SCUBE1: variants seen among roughly 807,000 people sequenced by gnomAD.
SCUBE1 encodes signal peptide, CUB and EGF-like domain-containing protein 1.
A neutral mutation model predicts 124.4 loss-of-function variants in SCUBE1; 59 were observed. The ratio of observed to expected loss-of-function variants is 0.47; its 90% CI spans 0.38 to 0.59. SCUBE1 has a LOEUF of 0.59. Among genes scored for constraint, SCUBE1 ranks in the 20% least tolerant of loss-of-function variants. The probability of loss-of-function intolerance (pLI) is 0.00; values close to 1 mark genes in which losing one functional copy is unlikely to be tolerated. For synonymous variants in SCUBE1, 545 were observed against 550.9 expected (o/e 0.99, Z 0.15); for missense variants, 1,150 against 1,371.2 (o/e 0.84, Z 2.55).
chr22:43,279,538 G>C (rs1254257688), intron 4 of SCUBE1, among the ~76,000 whole-genome samples: 1 of 152,256 alleles, frequency 6.6e-6, no homozygotes, highest in Non-Finnish European at 1.5e-5. Flanking sequence ...CCAGAGTCTT[G>C]ATCTTGGACT....
intron 4 of SCUBE1, among the ~76,000 whole-genome samples, chr22:43,267,803 T>A (rs898718790): frequency 6.6e-6 from 1 of 152,154 alleles, no homozygotes; most frequent in Non-Finnish European, 1.5e-5. Flanking sequence ...AGAGGGGCCA[T>A]CTGAGGGCAG....
intron 4 of SCUBE1, chr22:43,283,772 C>T (rs1476496002): frequency 6.6e-6 from 1 of 152,172 alleles, no homozygotes; most frequent in Non-Finnish European, 1.5e-5. Context: ...CCACTCTTCA[C>T]TATTTTTTGC....
chr22:43,342,917 C>A (rs71328669), intron 1 of SCUBE1, among the ~76,000 whole-genome samples: 19 of 151,596 alleles, frequency 1.3e-4, no homozygotes, highest in African/African-American at 4.4e-4. Context: ...TCCTCGCTCC[C>A]GCGCTCGCGC....
intron 4 of SCUBE1, among the ~76,000 whole-genome samples, chr22:43,285,831 G>T (rs909808105): frequency 6.6e-6 from 1 of 152,248 alleles, no homozygotes; most frequent in Non-Finnish European, 1.5e-5. Flanking sequence ...AGGTGCGGGA[G>T]CTCAGCCGAT....
chr22:43,242,598 C>T (rs895540423), intron 6 of SCUBE1, among the ~76,000 whole-genome samples: 3 of 152,200 alleles, frequency 2.0e-5, no homozygotes, highest in African/African-American at 7.2e-5. Context: ...TGAGGAATCT[C>T]CCCCACCCTG....
intron 4 of SCUBE1, among the ~76,000 whole-genome samples, chr22:43,287,947 G>A (rs1925208341): frequency 6.6e-6 from 1 of 152,188 alleles, no homozygotes; most frequent in Non-Finnish European, 1.5e-5. Flanking sequence ...GCATTAATGG[G>A]CCGCTGACCA....
At chr22:43,277,478 TTG>T (rs1924578599) in intron 4 of SCUBE1, among the ~76,000 whole-genome samples, 1 of 152,202 alleles carries the variant, frequency 6.6e-6, no homozygotes, top group Non-Finnish European at 1.5e-5. Context: ...CAGGGGCTCC[TTG>T]TGTCACAGGG....
At chr22:43,215,286 C>T (rs544975400) in intron 15 of SCUBE1, among the ~76,000 whole-genome samples, 3 of 152,154 alleles carry the variant, frequency 2.0e-5, no homozygotes, top group East Asian at 1.9e-4. Flanking sequence ...CAGTGAGCGC[C>T]GAACTAAATA....
intron 7 of SCUBE1, among the ~76,000 whole-genome samples, chr22:43,237,113 G>T (rs367905024): frequency 6.6e-6 from 1 of 151,764 alleles, no homozygotes; most frequent in African/African-American, 2.4e-5. Flanking sequence ...GGGGTGGGGG[G>T]GGTTGGGGGG....
Position 43,220,463 on chromosome 22 carries a change from C to T in SCUBE1, c.1674G>A (p.Met558Ile). The T allele has an allele frequency of 6.2e-7, 1 of 1,613,990 alleles. No individual in the cohort carries two copies. The highest frequency in any genetic ancestry group is 8.5e-7 in the Non-Finnish European group (1 of 1,179,914). Reference protein sequence around the residue: ...ITAEFEIETKMEEASDTCEAD... With the variant: ...ITAEFEIETKIEEASDTCEAD... ...CCCCTCACCTACCTGAGGCCTCTTC[C>T]ATCTTTGTCTCGATCTCAAACTCTG... Residue 558 changes from methionine (M) to isoleucine (I), a missense_variant, in exon 14 of 22, where the codon ATG (methionine) becomes ATA (isoleucine). Met to Ile is a conservative substitution (Grantham distance 10, BLOSUM62 1). Transcript: ENST00000360835.
intron 10 of SCUBE1, among the ~76,000 whole-genome samples, chr22:43,223,791 G>A (rs184437332): frequency 7.2e-5 from 11 of 152,336 alleles, no homozygotes; most frequent in African/African-American, 2.6e-4. Context: ...GTGACAACCG[G>A]CTTATGTGGC....
At chr22:43,285,583 G>C (rs1267187963) in intron 4 of SCUBE1, among the ~76,000 whole-genome samples, 3 of 152,214 alleles carry the variant, frequency 2.0e-5, no homozygotes, top group Admixed American at 1.3e-4. Flanking sequence ...GAGCCCAACA[G>C]TTTTCCCTGA....
At chr22:43,280,022 T>G (rs1389690874) in intron 4 of SCUBE1, among the ~76,000 whole-genome samples, 1 of 152,166 alleles carries the variant, frequency 6.6e-6, no homozygotes, top group East Asian at 1.9e-4. Flanking sequence ...CTGCAATTGA[T>G]TACAGCCCAG....
chr22:43,208,353 T>C, intron 19 of SCUBE1, 129 bp from the exon 20 acceptor site: 1 of 824,348 alleles, frequency 1.2e-6, no homozygotes, highest in African/African-American at 1.7e-5. Flanking sequence ...CACAACGGCT[T>C]AGTCTTTGTG....
At chr22:43,216,719 T>C (rs1019058674) in intron 15 of SCUBE1, among the ~76,000 whole-genome samples, 1 of 151,500 alleles carries the variant, frequency 6.6e-6, no homozygotes, top group Middle Eastern at 3.4e-3. Flanking sequence ...TTGTCCCCCC[T>C]TGTCAGTACG....
rs1305122299 is a variant in SCUBE1, at chr22:43,198,854, GTGTC to G, written c.*5139_*5142del. On this transcript the variant is annotated 3_prime_UTR_variant, in exon 22 of 22. Transcript: ENST00000360835. ...CTGTCTATCTGCTGTCTGGGGAAGT[GTGTC>G]TGTCTGTCTGCTGTCTGGGGCAGTT... The G allele has an allele frequency of 7.5e-6, 3 of 399,388 alleles. No individual in the cohort carries two copies. The highest frequency in any genetic ancestry group is 1.5e-5 in the Non-Finnish European group (3 of 198,184). The allele number at this position is 399,388 out of a possible 1,614,324, so 24.7% of individuals were successfully genotyped here.
At position 43,241,654 on chromosome 22, in the gene SCUBE1, C is replaced by G. The variant is rs117761764; in HGVS notation, c.728-2700G>C. ...AAGACGAGGAGCCCCCTCCTCTCCC[C>G]CTGGGACCCAGGGCCTGGGCCTGCT... On this transcript the variant is annotated intron_variant, in intron 6 of 21. Transcript: ENST00000360835. Among the ~76,000 whole-genome samples, 155 of 152,302 alleles carry G rather than the reference C, an allele frequency of 1.0e-3. 1 individual carries two copies. The East Asian group carries it at 0.026, about 26-fold the overall frequency.
chr22:43,242,221 G>C (rs762961), intron 6 of SCUBE1, among the ~76,000 whole-genome samples: 101,629 of 152,104 alleles, frequency 0.67, 35,123 homozygotes, highest in African/African-American at 0.79. Flanking sequence ...CAGAGGCTCC[G>C]GTGCTGCTGC....
intron 4 of SCUBE1, among the ~76,000 whole-genome samples, chr22:43,275,087 G>A (rs946833381): frequency 3.3e-5 from 5 of 152,238 alleles, no homozygotes; most frequent in Admixed American, 1.3e-4. Context: ...GCTCTGTGAT[G>A]TGGAGGCGAG....
Sources: gnomAD v4.1 joint callset for allele counts (sites outside exome capture counted in the v4.1 genomes callset) on GRCh38, gnomAD v4.1.1 for gene constraint, MANE v1.5 for transcripts, NCBI Gene and HGNC (gene_info 2026-07-23, HGNC 2026-07-21) for gene names.